Variants in NDUFAF2 observed in about 807,000 individuals in gnomAD.
NDUFAF2 encodes the protein NADH dehydrogenase [ubiquinone] 1 alpha subcomplex assembly factor 2.
NDUFAF2 carries 13 observed loss-of-function variants against 22.8 expected under a neutral mutation model. The ratio of observed to expected loss-of-function variants is 0.57; its 90% CI spans 0.37 to 0.91. The LOEUF (loss-of-function observed/expected upper bound fraction) is 0.91, where lower values mean the gene tolerates loss of function less well. Among genes scored for constraint, NDUFAF2 ranks in the 40% least tolerant of loss-of-function variants. The pLI, the probability that NDUFAF2 is intolerant of heterozygous loss-of-function variation, is 0.01. For synonymous variants in NDUFAF2, 53 were observed against 64.2 expected, an observed-to-expected ratio of 0.83 and a Z score of 0.84; for missense variants, 162 against 195.2, an observed-to-expected ratio of 0.83 and a Z score of 1.01.
At chr5:60,967,195 G>A (rs1580071100) in intron 1 of NDUFAF2, among the ~76,000 whole-genome samples, 2 of 151,732 alleles carry the variant, frequency 1.3e-5, no homozygotes, top group Admixed American at 6.6e-5. Flanking sequence ...CTTGATTTTT[G>A]TACCCTGCAA....
chr5:61,072,109 C>T (rs1752307140), intron 1 of NDUFAF2, among the ~76,000 whole-genome samples: 1 of 152,174 alleles, frequency 6.6e-6, no homozygotes, highest in Non-Finnish European at 1.5e-5. Context: ...ATTAATCTCT[C>T]ATCTGAAGAA....
intron 1 of NDUFAF2, among the ~76,000 whole-genome samples, chr5:61,044,321 T>C (rs372981942): frequency 2.6e-4 from 40 of 152,228 alleles, no homozygotes; most frequent in African/African-American, 9.4e-4. Flanking sequence ...TCTGTTTTAC[T>C]TTGTTTGTTT....
intron 1 of NDUFAF2, among the ~76,000 whole-genome samples, chr5:61,044,304 T>G (rs1461095583): frequency 6.6e-6 from 1 of 152,122 alleles, no homozygotes; most frequent in Admixed American, 6.5e-5. Context: ...CTAGGTTGTA[T>G]CTTCACTCTG....
At chr5:60,957,469 A>G (rs541728112) in intron 1 of NDUFAF2, among the ~76,000 whole-genome samples, 44 of 150,902 alleles carry the variant, frequency 2.9e-4, no homozygotes, top group Admixed American at 2.3e-3. Context: ...ATAATGTTAT[A>G]ATGTTCTTGT....
rs35076688 is a variant in NDUFAF2 at position 60,972,773 on chromosome 5, G to GTTT, written c.127+27403_127+27405dup. Among the ~76,000 whole-genome samples, 4 of 103,918 alleles carry GTTT rather than the reference G, an allele frequency of 3.8e-5. 1 individual carries two copies. In the East Asian group the frequency reaches 8.3e-4, roughly 22 times the overall value. The allele number at this position is 103,918 out of a possible 152,430, so 68.2% of individuals were successfully genotyped here. A position where few individuals can be genotyped will look rare whatever the true frequency, so the allele number is the denominator to read the frequency against. On this transcript the variant is annotated intron_variant, in intron 1 of 3. Transcript: ENST00000296597. The stretch of plus-strand genomic sequence containing the variant: ...TCTCATTTACTGATATGTGTATTCT[G>GTTT]TTTTTTTTTTTTTTGGTTTTCTTTT...
chr5:61,021,734 C>T (rs551234635), intron 1 of NDUFAF2, among the ~76,000 whole-genome samples: 11 of 152,278 alleles, frequency 7.2e-5, no homozygotes, highest in African/African-American at 2.6e-4. Context: ...TTTACCTTTG[C>T]ATACCATGCT....
intron 1 of NDUFAF2, among the ~76,000 whole-genome samples, chr5:60,974,850 G>C (rs1043026694): frequency 6.6e-6 from 1 of 152,084 alleles, no homozygotes; most frequent in African/African-American, 2.4e-5. Flanking sequence ...GGGTCTCACT[G>C]TGTTGCCCAG....
intron 1 of NDUFAF2, among the ~76,000 whole-genome samples, chr5:61,012,453 A>G (rs995744190): frequency 3.9e-5 from 6 of 152,136 alleles, no homozygotes; most frequent in Non-Finnish European, 8.8e-5. Flanking sequence ...CAGCCGATTC[A>G]CTGAAATTAA....
At chr5:61,056,918 A>T (rs1241351128) in intron 1 of NDUFAF2, among the ~76,000 whole-genome samples, 8 of 20,482 alleles carry the variant, frequency 3.9e-4, no homozygotes, top group Admixed American at 8.5e-4. Context: ...AAAAAAAAAA[A>T]AATATATATA....
intron 1 of NDUFAF2, among the ~76,000 whole-genome samples, chr5:61,070,285 A>G (rs1292369001): frequency 2.6e-5 from 4 of 152,176 alleles, no homozygotes; most frequent in African/African-American, 9.6e-5. Flanking sequence ...AAAGCATATT[A>G]GTATAAGTAA....
rs755926203 is a variant in NDUFAF2, at chr5:61,067,310, TC to T, written c.128-5810del. 7.2e-4 allele frequency among the ~76,000 whole-genome samples: 66 copies of T among 91,518 alleles called. 1 individual carries two copies. The East Asian group carries it at 0.019, about 26-fold the overall frequency. 60.0% of individuals were successfully genotyped at this position (91,518 alleles called of 152,430 possible). On this transcript the variant is annotated intron_variant, in intron 1 of 3. Coordinates refer to ENST00000296597, the MANE Select transcript of NDUFAF2 (RefSeq NM_174889.5). Reference sequence around the variant, plus strand: ...ATCTCCTAATGCTATCCCTCCCCCCTCCCCCTACCCCACAACAGTCCCCAGT... The same window carrying T: ...ATCTCCTAATGCTATCCCTCCCCCCTCCCCTACCCCACAACAGTCCCCAGT...
In NDUFAF2 at chr5:61,094,690, C is replaced by A. The variant is rs1003664507; in HGVS notation, c.218-4302C>A. ...TTTTTATTTTTTAGTTTGTTTGTTT[C>A]TTTTAATAGTCTAGTCAGTTTTCCA... On this transcript the variant is annotated intron_variant, in intron 2 of 3. Coordinates refer to ENST00000296597, the MANE Select transcript of NDUFAF2 (RefSeq NM_174889.5). Among the ~76,000 whole-genome samples, 3 of 152,146 alleles carry A rather than the reference C, an allele frequency of 2.0e-5. No individual in the cohort carries two copies. In the East Asian group the frequency reaches 5.8e-4, roughly 29 times the overall value.
At chr5:60,959,002 T>C (rs1750651830) in intron 1 of NDUFAF2, among the ~76,000 whole-genome samples, 2 of 152,110 alleles carry the variant, frequency 1.3e-5, no homozygotes, top group Non-Finnish European at 2.9e-5. Flanking sequence ...TATCCACTAT[T>C]ATATGTAATT....
intron 3 of NDUFAF2, among the ~76,000 whole-genome samples, chr5:61,145,546 A>T (rs940303370): frequency 6.6e-6 from 1 of 152,226 alleles, no homozygotes; most frequent in South Asian, 2.1e-4. Context: ...GGATTTGGGG[A>T]TACTTAACTG....
chr5:60,961,664 G>A (rs1750688034), intron 1 of NDUFAF2, among the ~76,000 whole-genome samples: 1 of 150,510 alleles, frequency 6.6e-6, no homozygotes, highest in South Asian at 2.1e-4. Flanking sequence ...TACTCAGGAG[G>A]CTGAGACAGG....
rs1332692288 is a variant in NDUFAF2, at chr5:60,984,373, A to G, written c.127+38991A>G. Reference sequence around the variant, plus strand: ...GACAATTTGACTTCCTCTTTTCCTAATTGAATGCCCTTTATTTCCTTCTCC... The same window carrying G: ...GACAATTTGACTTCCTCTTTTCCTAGTTGAATGCCCTTTATTTCCTTCTCC... On this transcript the variant is annotated intron_variant, in intron 1 of 3. Coordinates refer to ENST00000296597, the MANE Select transcript of NDUFAF2 (RefSeq NM_174889.5). 6.6e-5 allele frequency among the ~76,000 whole-genome samples: 10 copies of G among 152,122 alleles called. No individual in the cohort carries two copies. In the East Asian group the frequency reaches 1.2e-3, roughly 18 times the overall value.
intron 1 of NDUFAF2, among the ~76,000 whole-genome samples, chr5:61,012,290 GC>G (rs11318170): frequency 0.63 from 95,882 of 151,588 alleles, 30,726 homozygotes; most frequent in East Asian, 0.95. Context: ...GTATCCAACT[GC>G]CTACTCAGTA....
At chr5:61,068,670 A>G (rs913226037) in intron 1 of NDUFAF2, among the ~76,000 whole-genome samples, 6 of 152,062 alleles carry the variant, frequency 3.9e-5, no homozygotes, top group African/African-American at 1.2e-4. Flanking sequence ...GTTTTAATGA[A>G]TCTATTATTA....
chr5:61,061,972 T>C (rs754645048), intron 1 of NDUFAF2, among the ~76,000 whole-genome samples: 3 of 152,190 alleles, frequency 2.0e-5, no homozygotes, highest in Non-Finnish European at 4.4e-5. Flanking sequence ...AGATGCTGCA[T>C]GGAATCACAT....
Sources: allele counts gnomAD v4.1 joint callset (sites outside exome capture counted in the v4.1 genomes callset), GRCh38; gene constraint gnomAD v4.1.1; transcripts MANE v1.5; gene names NCBI Gene and HGNC (gene_info 2026-07-23, HGNC 2026-07-21).